The following ERP44 variants were observed in gnomAD, a reference collection of about 807,000 sequenced individuals.
ERP44 encodes endoplasmic reticulum resident protein 44.
Under a neutral mutation model 53.4 loss-of-function variants are expected in ERP44, and 25 were observed. That is an observed-to-expected ratio of 0.47 (90% CI 0.34 to 0.65). ERP44 has a LOEUF of 0.65. Ranked by LOEUF, ERP44 falls within the 30% of genes least tolerant of loss-of-function variation. ERP44 has a pLI of 0.01. For synonymous variants in ERP44, 145 were observed against 161.2 expected (o/e 0.90, Z 0.76); for missense variants, 338 against 493.2 (o/e 0.69, Z 2.98).
intron 8 of ERP44, among the ~76,000 whole-genome samples, chr9:100,013,043 T>A (rs1047272517): frequency 1.3e-5 from 2 of 152,260 alleles, no homozygotes; most frequent in East Asian, 3.9e-4. Context: ...TCTGGTTTGC[T>A]CACAATGGTC....
intron 4 of ERP44, among the ~76,000 whole-genome samples, chr9:100,043,659 G>A (rs904467950): frequency 2.0e-5 from 3 of 151,952 alleles, no homozygotes; most frequent in Non-Finnish European, 4.4e-5. Flanking sequence ...AGTGGCTGAG[G>A]CACAAGAATC....
intron 1 of ERP44, among the ~76,000 whole-genome samples, chr9:100,061,317 G>A (rs954403202): frequency 1.3e-5 from 2 of 151,768 alleles, no homozygotes; most frequent in South Asian, 2.1e-4. Flanking sequence ...GGTGGCAGGT[G>A]CCCGTAGTCC....
chr9:100,064,999 A>C (rs1335399607), intron 1 of ERP44, among the ~76,000 whole-genome samples: 2 of 152,192 alleles, frequency 1.3e-5, no homozygotes, highest in African/African-American at 4.8e-5. Context: ...TAAAGAAAAA[A>C]GATATTTTAA....
At chr9:100,080,986 C>CA (rs1290260397) in intron 1 of ERP44, among the ~76,000 whole-genome samples, 9 of 149,504 alleles carry the variant, frequency 6.0e-5, no homozygotes, top group Non-Finnish European at 1.3e-4. Flanking sequence ...TCAAAATAAA[C>CA]AAAAAACCTA....
At chr9:99,991,715 A>G (rs922828861) in intron 10 of ERP44, among the ~76,000 whole-genome samples, 36 of 152,234 alleles carry the variant, frequency 2.4e-4, no homozygotes, top group African/African-American at 8.2e-4. Context: ...AAAAAAATCA[A>G]TGAATCCAGG....
At chr9:100,084,115 C>A (rs1448270910) in intron 1 of ERP44, among the ~76,000 whole-genome samples, 1 of 152,050 alleles carries the variant, frequency 6.6e-6, no homozygotes, top group Non-Finnish European at 1.5e-5. Flanking sequence ...GAAGACTTAC[C>A]AAAGGATATT....
At chr9:100,095,407 G>A (rs1314262000) in intron 1 of ERP44, among the ~76,000 whole-genome samples, 1 of 151,916 alleles carries the variant, frequency 6.6e-6, no homozygotes, top group Admixed American at 6.6e-5. Context: ...TGGAATAGAT[G>A]GACTTTATAT....
intron 10 of ERP44, among the ~76,000 whole-genome samples, chr9:99,997,091 T>C (rs1157422788): frequency 2.0e-5 from 3 of 152,144 alleles, no homozygotes; most frequent in African/African-American, 7.2e-5. Context: ...CAATTGTGAA[T>C]TGTGCTGCTA....
In ERP44 at chr9:99,996,897, GTATATATATACATATA is replaced by G. The variant is rs1455837776; in HGVS notation, c.1016+9593_1016+9608del. On this transcript the variant is annotated intron_variant, in intron 10 of 11. Coordinates refer to ENST00000262455, the MANE Select transcript of ERP44 (RefSeq NM_015051.3). The stretch of plus-strand genomic sequence containing the variant: ...CTGAGCAGTATTCCATCGTGTATGT[GTATATATATACATATA>G]TATATATATGTATATATATACACAT... Among the ~76,000 whole-genome samples the G allele has an allele frequency of 6.9e-4, 13 of 18,854 alleles. No individual in the cohort carries two copies. The South Asian group carries it at 0.04, about 58-fold the overall frequency. 12.4% of individuals were successfully genotyped at this position (18,854 alleles called of 152,430 possible).
At chr9:100,015,220 G>C (rs1830515757) in intron 8 of ERP44, among the ~76,000 whole-genome samples, 1 of 152,130 alleles carries the variant, frequency 6.6e-6, no homozygotes, top group African/African-American at 2.4e-5. Context: ...TGATAATTTT[G>C]GGGGACCAGA....
intron 2 of ERP44, among the ~76,000 whole-genome samples, chr9:100,059,599 G>A (rs112191396): frequency 2.6e-4 from 40 of 152,212 alleles, no homozygotes; most frequent in African/African-American, 9.1e-4. Context: ...GAGGAAAGAG[G>A]ATTGCTTGAG....
chr9:100,042,528 GA>G (rs1395635884), intron 4 of ERP44, among the ~76,000 whole-genome samples: 1 of 152,060 alleles, frequency 6.6e-6, no homozygotes, highest in Non-Finnish European at 1.5e-5. Context: ...AAAATAGAAC[GA>G]CCATATGATC....
At chr9:100,053,013 G>A (rs1418651722) in intron 3 of ERP44, among the ~76,000 whole-genome samples, 1 of 152,050 alleles carries the variant, frequency 6.6e-6, no homozygotes, top group Non-Finnish European at 1.5e-5. Flanking sequence ...CACCTCCAGG[G>A]CTCAAGCAAT....
intron 4 of ERP44, among the ~76,000 whole-genome samples, chr9:100,026,444 A>T (rs1275222292): frequency 6.6e-6 from 1 of 152,250 alleles, no homozygotes; most frequent in East Asian, 1.9e-4. Context: ...ACTGATTAAT[A>T]TTCAGAATAT....
intron 1 of ERP44, among the ~76,000 whole-genome samples, chr9:100,068,650 C>T (rs542959509): frequency 4.8e-5 from 7 of 146,676 alleles, no homozygotes; most frequent in Non-Finnish European, 1.1e-4. Flanking sequence ...CCAGCCGCCC[C>T]GTCCGGGAGG....
intron 4 of ERP44, among the ~76,000 whole-genome samples, chr9:100,035,629 T>C (rs1162640244): frequency 1.3e-5 from 2 of 152,068 alleles, no homozygotes; most frequent in Non-Finnish European, 2.9e-5. Context: ...GAGCCAGGAT[T>C]GTGCCATTGC....
At chr9:100,076,717 T>C (rs559983906) in intron 1 of ERP44, among the ~76,000 whole-genome samples, 65 of 152,282 alleles carry the variant, frequency 4.3e-4, no homozygotes, top group African/African-American at 1.4e-3. Context: ...ATGAACTTCT[T>C]TGAGTGGTCA....
chr9:100,091,307 G>A (rs1826553735), intron 1 of ERP44, among the ~76,000 whole-genome samples: 1 of 152,210 alleles, frequency 6.6e-6, no homozygotes, highest in African/African-American at 2.4e-5. Flanking sequence ...TGCAAGGACA[G>A]AACCAAGACC....
chr9:100,047,277 A>C (rs1434322232), intron 4 of ERP44, among the ~76,000 whole-genome samples: 1 of 152,218 alleles, frequency 6.6e-6, no homozygotes, highest in African/African-American at 2.4e-5. Context: ...TCTTCTCTTC[A>C]AAAGACACTC....
Sources: allele counts gnomAD v4.1 joint callset (sites outside exome capture counted in the v4.1 genomes callset), GRCh38; gene constraint gnomAD v4.1.1; transcripts MANE v1.5; gene names NCBI Gene and HGNC (gene_info 2026-07-23, HGNC 2026-07-21).